VPS13D: variants seen among roughly 807,000 people sequenced by gnomAD.
VPS13D encodes the protein vacuolar protein sorting 13 homolog D.
VPS13D carries 187 observed loss-of-function variants against 461.9 expected under a neutral mutation model. The ratio of observed to expected loss-of-function variants is 0.40; its 90% confidence interval spans 0.36 to 0.46. The LOEUF is 0.46. VPS13D is among the 20% of genes least tolerant of loss of function. The pLI is 0.60. For missense variants in VPS13D, 4,711 were observed against 5,364.9 expected, an observed-to-expected ratio of 0.88 and a Z score of 3.81; for synonymous variants, 1,951 against 1,986.3, an observed-to-expected ratio of 0.98 and a Z score of 0.47.
rs779344464 is a variant in VPS13D at position 12,279,554 on chromosome 1, A to AG, written c.4507dup (p.Glu1503GlyfsTer5). The AG allele has an allele frequency of 1.2e-6, 2 of 1,613,310 alleles. No individual in the cohort carries two copies. The highest frequency in any genetic ancestry group is 1.7e-5 in the Admixed American group (1 of 60,018). On this transcript the variant is annotated frameshift_variant, in exon 20 of 70. Coordinates refer to ENST00000620676, the MANE Select transcript of VPS13D (RefSeq NM_015378.4). LOFTEE classifies it high-confidence loss of function. This position sits in a 1 kb window ranked among gnomAD's most constrained non-coding sequence, Gnocchi z 4.3. Reference sequence around the variant, plus strand: ...AGTTTAAACTGGAGAAGATCCCTATAGAGAGAGAATCTGAATTGACTTTTT... The same window carrying AG: ...AGTTTAAACTGGAGAAGATCCCTATAGGAGAGAGAATCTGAATTGACTTTTT...
chr1:12,447,127 T>A (rs186221784), intron 65 of VPS13D, among the ~76,000 whole-genome samples: 6 of 152,334 alleles, frequency 3.9e-5, no homozygotes, highest in African/African-American at 9.6e-5. Context: ...AGAAATTTTT[T>A]AATATACTTT....
In VPS13D at chr1:12,507,002, A is replaced by G. The variant is rs1404086289; in HGVS notation, c.12944A>G (p.Asp4315Gly). 1 of 1,614,144 alleles carries G rather than the reference A, an allele frequency of 6.2e-7. No homozygotes were observed. The highest frequency in any genetic ancestry group is 1.7e-5 in the Admixed American group (1 of 60,014). ...CTCTACCACTGCCTTGTCTCCAAAG[A>G]CCATGGGAAGGTGTATGTGCAGGTG... ...DDLYHCLVSKDHGKVYVQVTK... is the reference protein window; with the variant it reads ...DDLYHCLVSKGHGKVYVQVTK... Residue 4315 changes from aspartate (D) to glycine (G), a missense_variant, in exon 69 of 70, where the codon GAC becomes GGC. By Grantham distance (94) the Asp-to-Gly change is moderately conservative. Transcript: ENST00000620676. The surrounding 1 kb of genome is among the most constrained non-coding windows in gnomAD (Gnocchi z 5.3).
At chr1:12,379,808 G>T (rs565772157) in intron 57 of VPS13D, among the ~76,000 whole-genome samples, 1 of 149,062 alleles carries the variant, frequency 6.7e-6, no homozygotes, top group Non-Finnish European at 1.5e-5. Context: ...TTGCTCTGTC[G>T]CTCAGGCTGG....
intron 63 of VPS13D, among the ~76,000 whole-genome samples, chr1:12,404,919 T>G (rs1475722684): frequency 6.6e-6 from 1 of 152,208 alleles, no homozygotes; most frequent in Non-Finnish European, 1.5e-5. Flanking sequence ...CACTTAAAGA[T>G]AATACTCAAG....
intron 12 of VPS13D, among the ~76,000 whole-genome samples, chr1:12,261,398 A>G (rs1641103903): frequency 6.6e-6 from 1 of 152,272 alleles, no homozygotes; most frequent in African/African-American, 2.4e-5. Flanking sequence ...AGCAAGTTCA[A>G]CAATTTTAAA....
In VPS13D at chr1:12,245,481, A is replaced by G. The variant is rs534853804; in HGVS notation, c.447+864A>G. 4.6e-5 allele frequency among the ~76,000 whole-genome samples: 7 copies of G among 152,334 alleles called. No homozygotes were observed. The East Asian group carries it at 1.3e-3, about 29-fold the overall frequency. The stretch of plus-strand genomic sequence containing the variant: ...AAAGTTCAGTCTTTTAAAGTGTACA[A>G]TTTAATGTTTTTTAGTATATTTACA... On this transcript the variant is annotated intron_variant, in intron 5 of 69. Coordinates refer to ENST00000620676, the MANE Select transcript of VPS13D (RefSeq NM_015378.4).
intron 60 of VPS13D, among the ~76,000 whole-genome samples, chr1:12,396,831 T>C (rs1644505464): frequency 6.6e-6 from 1 of 152,252 alleles, no homozygotes. Flanking sequence ...CTATTTTTCC[T>C]TGTCCTCCTT....
chr1:12,234,918 T>G (rs1377721680), intron 2 of VPS13D, among the ~76,000 whole-genome samples: 1 of 152,228 alleles, frequency 6.6e-6, no homozygotes, highest in East Asian at 1.9e-4. Context: ...GGTTTTGACT[T>G]GCTTAGTAGT....
chr1:12,291,122 T>G lies in VPS13D; in HGVS notation c.5850T>G (p.Phe1950Leu). ...SGEEALIFQTFKYGRPDPLLR... is the reference protein window; with the variant it reads ...SGEEALIFQTLKYGRPDPLLR... ...AAGAAGCACTCATCTTCCAGACTTT[T>G]AAGTAAAAATGTCAATCTTTTTCTG... The change falls in exon 23 of 70, where the codon TTT (phenylalanine) becomes TTG (leucine). Residue 1950 changes from phenylalanine to leucine, a missense_variant and splice_region_variant. Around this residue, in one of 3 missense-constraint regions of VPS13D, gnomAD observed 4,411 missense variants for 4,937.8 expected, o/e 0.89. Coordinates refer to ENST00000620676, the MANE Select transcript of VPS13D (RefSeq NM_015378.4). 1.9e-6 allele frequency: 3 copies of G among 1,610,048 alleles called. No individual in the cohort carries two copies. The highest frequency in any genetic ancestry group is 1.7e-6 in the Non-Finnish European group (2 of 1,178,924).
At chr1:12,486,649 T>G (rs1645801576) in intron 67 of VPS13D, among the ~76,000 whole-genome samples, 1 of 152,228 alleles carries the variant, frequency 6.6e-6, no homozygotes, top group Non-Finnish European at 1.5e-5. Flanking sequence ...CCCCCCACGT[T>G]GGAATGATCA....
intron 30 of VPS13D, among the ~76,000 whole-genome samples, chr1:12,317,842 G>A (rs188269700): frequency 1.3e-5 from 2 of 152,226 alleles, no homozygotes; most frequent in African/African-American, 4.8e-5. Flanking sequence ...CTTATAAAAT[G>A]TTCCTTGTTG....
chr1:12,329,164 A>C (rs940606128), intron 36 of VPS13D, among the ~76,000 whole-genome samples: 1 of 152,094 alleles, frequency 6.6e-6, no homozygotes, highest in African/African-American at 2.4e-5. Flanking sequence ...TGACTTCTCT[A>C]ATCAGTCTGC....
chr1:12,245,630 A>C (rs1298575264), intron 5 of VPS13D, among the ~76,000 whole-genome samples: 1 of 152,158 alleles, frequency 6.6e-6, no homozygotes, highest in East Asian at 1.9e-4. Context: ...AGGCTGGGGC[A>C]AGAGGATGAC....
At chr1:12,301,429 G>A (rs1220742904) in intron 25 of VPS13D, among the ~76,000 whole-genome samples, 1 of 152,180 alleles carries the variant, frequency 6.6e-6, no homozygotes, top group East Asian at 1.9e-4. Context: ...ACTCAGGGGA[G>A]CACATTTACT....
At chr1:12,258,299 C>A (rs1640984127) in intron 10 of VPS13D, among the ~76,000 whole-genome samples, 196 bp downstream of exon 10, 1 of 152,142 alleles carries the variant, frequency 6.6e-6, no homozygotes, top group African/African-American at 2.4e-5. Context: ...CGAGGAGAGC[C>A]GGGCCATGGG....
At chr1:12,290,518 C>G (rs559369538) in intron 22 of VPS13D, among the ~76,000 whole-genome samples, 14 of 151,904 alleles carry the variant, frequency 9.2e-5, no homozygotes, top group South Asian at 2.1e-4. Context: ...GTCAGGAGAT[C>G]GAGACCATCC....
chr1:12,446,815 T>G (rs2100362970), intron 65 of VPS13D, among the ~76,000 whole-genome samples: 1 of 152,326 alleles, frequency 6.6e-6, no homozygotes, highest in Non-Finnish European at 1.5e-5. Context: ...GGTCCCAATC[T>G]CCACCCCAGT....
intron 67 of VPS13D, among the ~76,000 whole-genome samples, chr1:12,486,038 C>CA (rs1225609708): frequency 6.6e-6 from 1 of 152,210 alleles, no homozygotes; most frequent in African/African-American, 2.4e-5. Context: ...TGTGGCTTTA[C>CA]ACCCAGGCGC....
intron 54 of VPS13D, among the ~76,000 whole-genome samples, chr1:12,371,538 A>C (rs1173377068): frequency 6.6e-6 from 1 of 151,716 alleles, no homozygotes; most frequent in Non-Finnish European, 1.5e-5. Context: ...TTACAGGTGC[A>C]TGCCACCACG....
Sources: gnomAD v4.1 joint callset for allele counts (sites outside exome capture counted in the v4.1 genomes callset) on GRCh38, gnomAD v4.1.1 for gene constraint, gnomAD v4.1.1 regional missense constraint, Gnocchi (gnomAD v3.1) non-coding constraint, MANE v1.5 for transcripts, NCBI Gene and HGNC (gene_info 2026-07-23, HGNC 2026-07-21) for gene names.